The following OCA2 variants were observed in gnomAD, a reference collection of about 807,000 sequenced individuals.
OCA2 encodes the protein P protein.
Under a neutral mutation model 100.2 loss-of-function variants are expected in OCA2, and 77 were observed. That is an observed-to-expected ratio of 0.77 (90% CI 0.64 to 0.93). OCA2 has a LOEUF of 0.93. OCA2 is among the 40% of genes least tolerant of loss of function. OCA2 has a pLI of 0.00. For missense variants in OCA2, 1,062 were observed against 1,089.1 expected (o/e 0.98, Z 0.35); for synonymous variants, 432 against 439.2 (o/e 0.98, Z 0.21).
At chr15:28,033,679 A>G (rs2042971543) in intron 2 of OCA2, among the ~76,000 whole-genome samples, 1 of 152,206 alleles carries the variant, frequency 6.6e-6, no homozygotes, top group African/African-American at 2.4e-5. Flanking sequence ...GAGAATTACA[A>G]AGTAGGTGGT....
intron 2 of OCA2, among the ~76,000 whole-genome samples, chr15:28,073,532 TG>T (rs1175970189): frequency 1.3e-5 from 2 of 152,174 alleles, no homozygotes; most frequent in African/African-American, 2.4e-5. Context: ...CACTTATAAA[TG>T]GGAGTTATGC....
intron 23 of OCA2, among the ~76,000 whole-genome samples, chr15:27,775,977 G>A (rs192417126): frequency 6.6e-6 from 1 of 152,226 alleles, no homozygotes; most frequent in Non-Finnish European, 1.5e-5. Flanking sequence ...GCAATGTCCA[G>A]CACCAAAGTT....
At chr15:27,743,060 C>G in the OCA2 span, among the ~76,000 whole-genome samples, 1 of 152,222 alleles carries the variant, frequency 6.6e-6, no homozygotes, top group Non-Finnish European at 1.5e-5. Context: ...CATTGGCTGC[C>G]TCTGCGATCC....
intron 1 of OCA2, among the ~76,000 whole-genome samples, chr15:28,097,274 G>C (rs1011574854): frequency 7.2e-5 from 11 of 152,238 alleles, no homozygotes; most frequent in African/African-American, 2.7e-4. Context: ...GCCGGCGCAA[G>C]AGCCACAGCC....
At chr15:27,970,408 T>C (rs1010620137) in intron 14 of OCA2, among the ~76,000 whole-genome samples, 6 of 151,696 alleles carry the variant, frequency 4.0e-5, no homozygotes, top group African/African-American at 1.2e-4. Context: ...AAAGCAGTAG[T>C]GGAGGAGAAG....
intron 23 of OCA2, among the ~76,000 whole-genome samples, chr15:27,804,845 G>A (rs557724358): frequency 6.6e-6 from 1 of 152,222 alleles, no homozygotes; most frequent in Non-Finnish European, 1.5e-5. Flanking sequence ...AGGCAGGCCT[G>A]TTCCTTAGGA....
chr15:27,769,974 C>T (rs2031590262), intron 23 of OCA2, among the ~76,000 whole-genome samples: 2 of 150,990 alleles, frequency 1.3e-5, no homozygotes, highest in African/African-American at 5.0e-5. Flanking sequence ...CAGCCTCATA[C>T]CCCATCTCCT....
chr15:28,011,473 AAATAAT>A (rs1233768654), intron 9 of OCA2, among the ~76,000 whole-genome samples: 1 of 152,028 alleles, frequency 6.6e-6, no homozygotes, highest in Non-Finnish European at 1.5e-5. Flanking sequence ...ATCTCAAAGA[AAATAAT>A]AATAATAATA....
intron 23 of OCA2, among the ~76,000 whole-genome samples, chr15:27,755,966 GGAA>G (rs1174179121): frequency 3.3e-5 from 5 of 152,192 alleles, no homozygotes; most frequent in Non-Finnish European, 5.9e-5. Context: ...AAAGGCAAAG[GGAA>G]GAAGAAGTTT....
chr15:27,825,411 G>C (rs542500781), intron 23 of OCA2, among the ~76,000 whole-genome samples: 23 of 152,316 alleles, frequency 1.5e-4, no homozygotes, highest in African/African-American at 5.3e-4. Flanking sequence ...AACACAGAAG[G>C]AACCTTAGGC....
At chr15:27,735,320 GA>G in the OCA2 span, among the ~76,000 whole-genome samples, 1 of 151,614 alleles carries the variant, frequency 6.6e-6, no homozygotes, top group African/African-American at 2.4e-5. Flanking sequence ...AGTCAGAGGG[GA>G]AAAAATAGGG....
intron 19 of OCA2, among the ~76,000 whole-genome samples, chr15:27,918,096 T>C (rs2140313631): frequency 6.8e-6 from 1 of 148,030 alleles, no homozygotes; most frequent in African/African-American, 2.5e-5. Flanking sequence ...TTGATTTTTT[T>C]TTTTTTTTTT....
chr15:27,739,538 C>T, the OCA2 span, among the ~76,000 whole-genome samples: 26 of 149,554 alleles, frequency 1.7e-4, no homozygotes, highest in African/African-American at 6.2e-4. Context: ...CTCCACCTCC[C>T]GGGTTCAAGT....
intron 11 of OCA2, among the ~76,000 whole-genome samples, chr15:27,988,604 G>T (rs1465380490): frequency 6.6e-6 from 1 of 152,160 alleles, no homozygotes; most frequent in Non-Finnish European, 1.5e-5. Flanking sequence ...GCAGCCTCCA[G>T]AGCTGTGAGA....
At chr15:27,883,523 A>G (rs549796837) in intron 19 of OCA2, among the ~76,000 whole-genome samples, 2 of 152,218 alleles carry the variant, frequency 1.3e-5, no homozygotes, top group East Asian at 3.9e-4. Flanking sequence ...ATCCTCCCCA[A>G]CTGACCACCT....
At chr15:27,899,880 G>A (rs752392956) in intron 19 of OCA2, among the ~76,000 whole-genome samples, 1 of 152,134 alleles carries the variant, frequency 6.6e-6, no homozygotes, top group African/African-American at 2.4e-5. Flanking sequence ...GAGTGAGATA[G>A]GAGCACTCCC....
At chr15:27,857,204 G>A (rs891846843) in intron 21 of OCA2, among the ~76,000 whole-genome samples, 1 of 152,132 alleles carries the variant, frequency 6.6e-6, no homozygotes, top group Non-Finnish European at 1.5e-5. Flanking sequence ...TTATAAAGAG[G>A]AATCAAATAG....
chr15:27,955,479 G>A (rs1234500463), intron 16 of OCA2, among the ~76,000 whole-genome samples: 1 of 152,194 alleles, frequency 6.6e-6, no homozygotes, highest in African/African-American at 2.4e-5. Flanking sequence ...TTGCGCAGGG[G>A]AAGCTTCACG....
chr15:27,835,475 G>T (rs1159969590), intron 23 of OCA2, among the ~76,000 whole-genome samples: 1 of 152,220 alleles, frequency 6.6e-6, no homozygotes, highest in Non-Finnish European at 1.5e-5. Context: ...GATGATTCTG[G>T]CCTTGGCCTC....
Sources: allele counts gnomAD v4.1 joint callset (sites outside exome capture counted in the v4.1 genomes callset), GRCh38; gene constraint gnomAD v4.1.1; transcripts MANE v1.5; gene names NCBI Gene and HGNC (gene_info 2026-07-23, HGNC 2026-07-21).